The following SPAG16 variants were observed in gnomAD, a reference collection of about 807,000 sequenced individuals.
SPAG16 encodes sperm-associated antigen 16 protein.
Under a neutral mutation model 80.4 loss-of-function variants are expected in SPAG16, and 86 were observed. That is an observed-to-expected ratio of 1.07 (90% CI 0.90 to 1.28). The LOEUF is 1.28. Among genes scored for constraint, SPAG16 ranks in the 50% most tolerant of loss-of-function variants. The pLI, the probability that SPAG16 is intolerant of heterozygous loss-of-function variation, is 0.00. For missense variants in SPAG16, 870 were observed against 765.3 expected (o/e 1.14, Z -1.61); for synonymous variants, 294 against 265.9 (o/e 1.11, Z -1.03).
chr2:213,664,650 C>G (rs570104805), intron 10 of SPAG16, among the ~76,000 whole-genome samples: 1 of 151,922 alleles, frequency 6.6e-6, no homozygotes, highest in African/African-American at 2.4e-5. Flanking sequence ...TGTGCCTAGT[C>G]GTGGATCTTT....
chr2:213,575,937 C>A (rs1469927716), intron 10 of SPAG16, among the ~76,000 whole-genome samples: 2 of 152,080 alleles, frequency 1.3e-5, no homozygotes, highest in African/African-American at 4.8e-5. Context: ...TTTCATACTG[C>A]ATTTTAAGTT....
chr2:213,914,842 T>C (rs1168761817), intron 11 of SPAG16, among the ~76,000 whole-genome samples: 1 of 152,202 alleles, frequency 6.6e-6, no homozygotes, highest in Admixed American at 6.5e-5. Context: ...GTTTGTTTTT[T>C]GCTTGTAAAT....
chr2:213,510,356 G>T (rs1175157897), intron 10 of SPAG16, among the ~76,000 whole-genome samples: 1 of 151,978 alleles, frequency 6.6e-6, no homozygotes, highest in African/African-American at 2.4e-5. Context: ...AATTTAGTGA[G>T]ATAACTAATC....
chr2:214,408,028 T>A (rs1702096059), intron 15 of SPAG16, among the ~76,000 whole-genome samples: 19 of 152,182 alleles, frequency 1.2e-4, no homozygotes, highest in Admixed American at 1.2e-3. Flanking sequence ...GACCAAAATC[T>A]GTTCTTGAAA....
intron 15 of SPAG16, among the ~76,000 whole-genome samples, chr2:214,307,920 G>C (rs1324711510): frequency 6.6e-6 from 1 of 152,152 alleles, no homozygotes; most frequent in Admixed American, 6.5e-5. Flanking sequence ...ATCCAGTGCT[G>C]AGTTCAGTTC....
chr2:213,504,028 C>T (rs1450864289), intron 10 of SPAG16, among the ~76,000 whole-genome samples: 2 of 152,042 alleles, frequency 1.3e-5, no homozygotes, highest in African/African-American at 2.4e-5. Context: ...GCAGGGTCTG[C>T]GTGTCTTGTT....
chr2:213,777,507 C>T (rs991315045), intron 10 of SPAG16, among the ~76,000 whole-genome samples: 10 of 151,842 alleles, frequency 6.6e-5, no homozygotes, highest in African/African-American at 1.9e-4. Context: ...CCCGGGTTCA[C>T]GCCATTCTCC....
chr2:213,673,865 C>A (rs2063921375), intron 10 of SPAG16, among the ~76,000 whole-genome samples: 1 of 151,862 alleles, frequency 6.6e-6, no homozygotes, highest in Admixed American at 6.6e-5. Flanking sequence ...ATACTCATTC[C>A]ATTTCTAGTT....
At position 214,012,302 on chromosome 2, in the gene SPAG16, TTTTTTTTC is replaced by T. The variant is rs1328388554; in HGVS notation, c.1401-1648_1401-1641del. On this transcript the variant is annotated intron_variant, in intron 12 of 15. Transcript: ENST00000331683. ...TATATATATATATTTTTTTTTTTTT[TTTTTTTTC>T]CTCGAGAGGGCATCTCGCTCTGTCA... is the stretch of plus-strand genomic sequence containing the variant. Among the ~76,000 whole-genome samples the T allele has an allele frequency of 3.1e-3, 356 of 113,296 alleles. 2 individuals are homozygous for T. The highest frequency in any genetic ancestry group is 0.012 in the African/African-American group (339 of 28,340). The allele number at this position is 113,296 out of a possible 152,430, so 74.3% of individuals were successfully genotyped here. A position where few individuals can be genotyped will look rare whatever the true frequency, so the allele number is the denominator to read the frequency against.
chr2:214,294,064 C>T (rs926116622), intron 15 of SPAG16, among the ~76,000 whole-genome samples: 8 of 152,204 alleles, frequency 5.3e-5, no homozygotes, highest in African/African-American at 1.7e-4. Flanking sequence ...GGCAGGATGC[C>T]GTCCTTTTGG....
chr2:213,732,155 C>T (rs1441280241), intron 10 of SPAG16, among the ~76,000 whole-genome samples: 1 of 152,114 alleles, frequency 6.6e-6, no homozygotes, highest in African/African-American at 2.4e-5. Flanking sequence ...TTCCCAGCAC[C>T]ATTTATTAAA....
chr2:213,422,238 A>C (rs1413786859), intron 9 of SPAG16: 1 of 701,932 alleles, frequency 1.4e-6, no homozygotes, highest in Admixed American at 2.0e-5. Flanking sequence ...GTGCAGTTTC[A>C]GATGTTTCCA....
chr2:213,372,359 A>G (rs928863757), intron 8 of SPAG16, among the ~76,000 whole-genome samples: 1 of 152,114 alleles, frequency 6.6e-6, no homozygotes, highest in Non-Finnish European at 1.5e-5. Context: ...GAAGTGAAAA[A>G]TTGTGAAAGC....
intron 1 of SPAG16, among the ~76,000 whole-genome samples, chr2:213,289,075 C>G (rs561662670): frequency 6.6e-6 from 1 of 152,278 alleles, no homozygotes; most frequent in South Asian, 2.1e-4. Flanking sequence ...TATGACTCAC[C>G]TGGGGAGCTT....
At chr2:213,828,527 G>A (rs2073433815) in intron 10 of SPAG16, among the ~76,000 whole-genome samples, 1 of 152,158 alleles carries the variant, frequency 6.6e-6, no homozygotes, top group Non-Finnish European at 1.5e-5. Context: ...CCATGGTGCT[G>A]TATTTAGTTC....
chr2:214,041,570 T>G (rs968254460), intron 13 of SPAG16, among the ~76,000 whole-genome samples: 8 of 152,016 alleles, frequency 5.3e-5, no homozygotes, highest in African/African-American at 1.9e-4. Flanking sequence ...ACTAAGTTAT[T>G]AGTCTTCCAA....
chr2:213,785,386 A>G (rs1015228375), intron 10 of SPAG16, among the ~76,000 whole-genome samples: 1 of 152,218 alleles, frequency 6.6e-6, no homozygotes, highest in Non-Finnish European at 1.5e-5. Flanking sequence ...TGATAGTTGT[A>G]TAGATTATCA....
At chr2:213,356,579 G>C (rs1373856024) in intron 7 of SPAG16, among the ~76,000 whole-genome samples, 1 of 152,098 alleles carries the variant, frequency 6.6e-6, no homozygotes, top group Non-Finnish European at 1.5e-5. Context: ...TATTTCTATG[G>C]GATCGGTGGG....
chr2:213,717,316 G>A (rs1444719835), intron 10 of SPAG16, among the ~76,000 whole-genome samples: 1 of 151,912 alleles, frequency 6.6e-6, no homozygotes, highest in Admixed American at 6.6e-5. Context: ...CCGCCACCAA[G>A]CCTGGCTAAT....
Sources: gnomAD v4.1 joint callset for allele counts (sites outside exome capture counted in the v4.1 genomes callset) on GRCh38, gnomAD v4.1.1 for gene constraint, MANE v1.5 for transcripts, NCBI Gene and HGNC (gene_info 2026-07-23, HGNC 2026-07-21) for gene names.